Variants in ATP8A2 observed in about 807,000 individuals in gnomAD.
The protein encoded by ATP8A2 is phospholipid-transporting ATPase IB.
A neutral mutation model predicts 165.6 loss-of-function variants in ATP8A2; 100 were observed. The observed-to-expected ratio is 0.60, with a 90% CI of 0.51 to 0.71. ATP8A2 has a LOEUF of 0.71. Ranked by LOEUF, ATP8A2 falls within the 30% of genes least tolerant of loss-of-function variation. The pLI is 0.00. For missense variants in ATP8A2, 1,227 were observed against 1,479.5 expected, an observed-to-expected ratio of 0.83 and a Z score of 2.80; for synonymous variants, 543 against 548.8, an observed-to-expected ratio of 0.99 and a Z score of 0.15.
intron 35 of ATP8A2, among the ~76,000 whole-genome samples, chr13:25,973,190 C>T (rs917953254): frequency 5.3e-5 from 8 of 152,200 alleles, no homozygotes; most frequent in Admixed American, 3.3e-4. Flanking sequence ...GTGTAGCTTA[C>T]GCTGTGACTT....
chr13:25,512,940 G>A lies in ATP8A2; in HGVS notation c.222-17059G>A, dbSNP rs1415986214. ...CCCCCCCACCTCCCTCCCGGATGGG[G>A]CGGCTGGCCGGGTGGGGGGCTGACC... On this transcript the variant is annotated intron_variant, in intron 2 of 36. Coordinates refer to ENST00000381655, the MANE Select transcript of ATP8A2 (RefSeq NM_016529.6). Among the ~76,000 whole-genome samples, 6 of 147,186 alleles carry A rather than the reference G, an allele frequency of 4.1e-5. No individual in the cohort carries two copies. In the East Asian group the frequency reaches 1.0e-3, roughly 26 times the overall value.
chr13:25,684,906 C>T (rs1215417834), intron 24 of ATP8A2, among the ~76,000 whole-genome samples: 1 of 152,136 alleles, frequency 6.6e-6, no homozygotes, highest in African/African-American at 2.4e-5. Flanking sequence ...TGAATTTGAG[C>T]TCTTTTGAGT....
intron 2 of ATP8A2, among the ~76,000 whole-genome samples, chr13:25,524,427 T>G (rs1207579281): frequency 2.0e-5 from 3 of 152,150 alleles, no homozygotes; most frequent in Admixed American, 6.5e-5. Flanking sequence ...ATTTTCTGTC[T>G]AGATGATCTG....
At chr13:25,475,329 C>T (rs1033905410) in intron 2 of ATP8A2, among the ~76,000 whole-genome samples, 2 of 152,190 alleles carry the variant, frequency 1.3e-5, no homozygotes, top group African/African-American at 2.4e-5. Context: ...CCTCATTCCA[C>T]ATTCCCGCAA....
chr13:25,997,358 G>T (rs1956533396), intron 35 of ATP8A2, among the ~76,000 whole-genome samples: 1 of 152,102 alleles, frequency 6.6e-6, no homozygotes, highest in South Asian at 2.1e-4. Context: ...ATTTCTCTTT[G>T]GCTGCCTTTG....
rs573305269 is a variant in ATP8A2 at position 26,003,217 on chromosome 13, T to C, written c.3378-9314T>C. On this transcript the variant is annotated intron_variant, in intron 35 of 36. Transcript: ENST00000381655. ...AGCTTTCTTTTTTTTTTTTTAATAA[T>C]AACCATTCTAACAGATGTGAGGTAA... Among the ~76,000 whole-genome samples the C allele has an allele frequency of 5.3e-5, 8 of 151,954 alleles. No homozygotes were observed. The South Asian group carries it at 1.5e-3, about 28-fold the overall frequency.
At chr13:25,919,361 C>T (rs567901729) in intron 33 of ATP8A2, among the ~76,000 whole-genome samples, 20 of 152,272 alleles carry the variant, frequency 1.3e-4, no homozygotes, top group East Asian at 3.9e-4. Context: ...CTTATCTGAG[C>T]GTACCCTCTC....
intron 33 of ATP8A2, among the ~76,000 whole-genome samples, chr13:25,949,922 C>T (rs2139139769): frequency 6.6e-6 from 1 of 152,262 alleles, no homozygotes; most frequent in East Asian, 1.9e-4. Context: ...GCCTCAGCCC[C>T]CCAGATAGCT....
chr13:25,913,653 A>T (rs1351169546), intron 33 of ATP8A2, among the ~76,000 whole-genome samples: 1 of 152,206 alleles, frequency 6.6e-6, no homozygotes, highest in East Asian at 1.9e-4. Flanking sequence ...GTTTGTTCAG[A>T]TGCTTGATCT....
chr13:25,376,126 C>T (rs1261515454), intron 1 of ATP8A2, among the ~76,000 whole-genome samples: 2 of 147,872 alleles, frequency 1.4e-5, no homozygotes, highest in Admixed American at 6.8e-5. Context: ...AAAAAAAATT[C>T]GGAGAAATTC....
chr13:25,648,914 C>G, intron 24 of ATP8A2: 1 of 411,204 alleles, frequency 2.4e-6, no homozygotes, highest in African/African-American at 2.0e-5. Flanking sequence ...ATGAATATGG[C>G]GGGCTGACTA....
chr13:25,846,671 G>GC (rs1471739738), intron 30 of ATP8A2, among the ~76,000 whole-genome samples: 2 of 152,150 alleles, frequency 1.3e-5, no homozygotes, highest in Non-Finnish European at 2.9e-5. Context: ...CAGGTTTTAA[G>GC]CAGGGAGCTG....
intron 24 of ATP8A2, among the ~76,000 whole-genome samples, chr13:25,664,716 C>G (rs1053442151): frequency 6.6e-5 from 10 of 152,150 alleles, no homozygotes; most frequent in Non-Finnish European, 1.2e-4. Flanking sequence ...CAGAGAGAAG[C>G]AGAGGTATCA....
At chr13:25,783,978 G>C (rs1301304799) in intron 27 of ATP8A2, among the ~76,000 whole-genome samples, 4 of 152,112 alleles carry the variant, frequency 2.6e-5, no homozygotes. Flanking sequence ...ACAGGGAAGA[G>C]GTAGGTATTA....
intron 30 of ATP8A2, among the ~76,000 whole-genome samples, chr13:25,849,347 C>G (rs1951951662): frequency 1.3e-5 from 2 of 152,198 alleles, no homozygotes; most frequent in African/African-American, 4.8e-5. Context: ...TATGTTATAA[C>G]ATTGTCTTGA....
At chr13:25,763,639 A>G (rs1220434182) in intron 25 of ATP8A2, among the ~76,000 whole-genome samples, 1 of 152,172 alleles carries the variant, frequency 6.6e-6, no homozygotes, top group African/African-American at 2.4e-5. Flanking sequence ...TCCAGGGGCC[A>G]TTCCAAGCTG....
chr13:25,603,875 C>A (rs2040451242), intron 24 of ATP8A2, among the ~76,000 whole-genome samples: 1 of 151,928 alleles, frequency 6.6e-6, no homozygotes, highest in African/African-American at 2.4e-5. Context: ...CTTAGATATC[C>A]TTAGGGCAGT....
At chr13:25,439,566 T>C (rs2034873765) in intron 1 of ATP8A2, among the ~76,000 whole-genome samples, 1 of 152,202 alleles carries the variant, frequency 6.6e-6, no homozygotes. Flanking sequence ...TTGCCACATA[T>C]GGTTTTGTTA....
At chr13:25,488,404 T>C (rs995453007) in intron 2 of ATP8A2, among the ~76,000 whole-genome samples, 7 of 152,194 alleles carry the variant, frequency 4.6e-5, no homozygotes, top group Admixed American at 2.6e-4. Flanking sequence ...CCTCATGTAA[T>C]AGTCTTATTG....
Sources: gnomAD v4.1 joint callset for allele counts (sites outside exome capture counted in the v4.1 genomes callset) on GRCh38, gnomAD v4.1.1 for gene constraint, MANE v1.5 for transcripts, NCBI Gene and HGNC (gene_info 2026-07-23, HGNC 2026-07-21) for gene names.